ANKRD6: variants seen among roughly 807,000 people sequenced by gnomAD.
ANKRD6 encodes the protein ankyrin repeat domain-containing protein 6.
In ANKRD6, 56 loss-of-function variants were observed where a neutral mutation model predicts 82.3. That is an observed-to-expected ratio of 0.68 (90% confidence interval 0.55 to 0.85). The LOEUF is 0.85. Among genes scored for constraint, ANKRD6 ranks in the 40% least tolerant of loss-of-function variants. The pLI, the probability that ANKRD6 is intolerant of heterozygous loss-of-function variation, is 0.00. For synonymous variants in ANKRD6, 347 were observed against 352.1 expected, an observed-to-expected ratio of 0.99 and a Z score of 0.16; for missense variants, 852 against 907.6, an observed-to-expected ratio of 0.94 and a Z score of 0.79.
intron 5 of ANKRD6, among the ~76,000 whole-genome samples, chr6:89,606,817 C>T (rs1447590145): frequency 6.6e-6 from 1 of 150,884 alleles, no homozygotes; most frequent in East Asian, 2.0e-4. Flanking sequence ...GATTGCACCA[C>T]TGCACTCCAG....
At chr6:89,596,051 C>T in intron 3 of ANKRD6, 37 bp downstream of exon 3, 3 of 1,554,554 alleles carry the variant, frequency 1.9e-6, no homozygotes, top group Non-Finnish European at 2.6e-6. Context: ...GCTGAGTTGG[C>T]AGGGGAGGTT....
At position 89,630,982 on chromosome 6, in the gene ANKRD6, C is replaced by A; in HGVS notation, c.2162C>A (p.Thr721Asn). Reference sequence around the variant, plus strand: ...GAAGAGGAACTTGCCAAACTAAGGACTAGGGTGCAGAAGGAAAATTAGCAC... The same window carrying A: ...GAAGAGGAACTTGCCAAACTAAGGAATAGGGTGCAGAAGGAAAATTAGCAC... Reference protein sequence around the residue: ...SLEEELAKLRTRVQKEN With the variant: ...SLEEELAKLRNRVQKEN The change falls in exon 16 of 16, where the codon ACT (threonine) becomes AAT (asparagine). Residue 721 changes from threonine to asparagine, a missense_variant. Physicochemically the swap from Thr to Asn is moderately conservative, Grantham distance 65. Transcript: ENST00000339746. The A allele has an allele frequency of 6.4e-7, 1 of 1,559,042 alleles. No homozygotes were observed. The highest frequency in any genetic ancestry group is 2.1e-5 in the Admixed American group (1 of 48,734).
chr6:89,546,098 G>A (rs1394944525), intron 1 of ANKRD6, among the ~76,000 whole-genome samples: 1 of 152,102 alleles, frequency 6.6e-6, no homozygotes, highest in East Asian at 1.9e-4. Context: ...GAGCCACTGC[G>A]CCCGGCCTTA....
intron 1 of ANKRD6, among the ~76,000 whole-genome samples, chr6:89,477,924 G>A (rs894966102): frequency 4.6e-5 from 7 of 151,802 alleles, no homozygotes. Flanking sequence ...AGGCATTTCT[G>A]TATAATTATG....
intron 2 of ANKRD6, among the ~76,000 whole-genome samples, chr6:89,588,982 G>A (rs1030052216): frequency 3.0e-4 from 38 of 126,976 alleles, no homozygotes; most frequent in Non-Finnish European, 4.9e-4. Context: ...GAGACAGAGC[G>A]AGACTCTGTC....
At chr6:89,553,486 G>A (rs1034514688) in intron 1 of ANKRD6, among the ~76,000 whole-genome samples, 1 of 152,198 alleles carries the variant, frequency 6.6e-6, no homozygotes, top group Non-Finnish European at 1.5e-5. Context: ...AGATATTCAT[G>A]TTTATGGGAA....
chr6:89,574,786 G>T (rs1270440013), intron 2 of ANKRD6, among the ~76,000 whole-genome samples: 2 of 152,202 alleles, frequency 1.3e-5, no homozygotes, highest in Non-Finnish European at 2.9e-5. Context: ...TGGCCATGTG[G>T]TTCGAGAGTC....
intron 1 of ANKRD6, among the ~76,000 whole-genome samples, chr6:89,495,513 G>A (rs1778505405): frequency 6.6e-6 from 1 of 152,104 alleles, no homozygotes; most frequent in African/African-American, 2.4e-5. Context: ...TGTTGTGTCT[G>A]GGACTCTGAC....
intron 9 of ANKRD6, chr6:89,618,243 T>A: frequency 1.4e-6 from 1 of 694,570 alleles, no homozygotes; most frequent in Non-Finnish European, 2.6e-6. Context: ...CCGCCTCATC[T>A]TCTCCCTGTG....
chr6:89,477,148 A>G (rs1194863742), intron 1 of ANKRD6, among the ~76,000 whole-genome samples: 2 of 151,960 alleles, frequency 1.3e-5, no homozygotes, highest in Non-Finnish European at 2.9e-5. Flanking sequence ...GTTTCACCGT[A>G]TTAGCCAGGA....
chr6:89,623,587 C>A (rs1382225215), intron 11 of ANKRD6, 43 bp downstream of exon 11: 1 of 1,556,710 alleles, frequency 6.4e-7, no homozygotes, highest in Non-Finnish European at 8.7e-7. Flanking sequence ...GGCTGGGAGG[C>A]AGGGTGGCGA....
At chr6:89,506,707 C>T (rs1779907480) in intron 1 of ANKRD6, among the ~76,000 whole-genome samples, 2 of 152,232 alleles carry the variant, frequency 1.3e-5, no homozygotes, top group South Asian at 4.1e-4. Flanking sequence ...GTTTGCTTGC[C>T]AGCCAAAAGC....
At chr6:89,493,758 C>T (rs1459912922) in intron 1 of ANKRD6, among the ~76,000 whole-genome samples, 2 of 152,034 alleles carry the variant, frequency 1.3e-5, no homozygotes, top group African/African-American at 2.4e-5. Flanking sequence ...ATTTAGGGCC[C>T]ACTGTGATAA....
intron 2 of ANKRD6, among the ~76,000 whole-genome samples, chr6:89,572,096 G>A (rs544894578): frequency 1.3e-5 from 2 of 152,214 alleles, no homozygotes; most frequent in Non-Finnish European, 2.9e-5. Context: ...TCTTTTCATG[G>A]CTTGATAGTT....
At chr6:89,603,253 T>A (rs988941266) in intron 4 of ANKRD6, 126 bp downstream of exon 4, 12 of 680,992 alleles carry the variant, frequency 1.8e-5, no homozygotes. Context: ...TTACCACTTA[T>A]GATTTAACAT....
chr6:89,621,833 T>G, intron 9 of ANKRD6, 89 bp from the exon 10 acceptor site: 1 of 1,282,382 alleles, frequency 7.8e-7, no homozygotes, highest in Non-Finnish European at 1.1e-6. Flanking sequence ...GTAAATTCCA[T>G]TAGGTCAGAG....
At chr6:89,511,765 C>T (rs1328820895) in intron 1 of ANKRD6, among the ~76,000 whole-genome samples, 1 of 152,094 alleles carries the variant, frequency 6.6e-6, no homozygotes, top group Non-Finnish European at 1.5e-5. Context: ...AACAAAAGAA[C>T]TACATTTTTT....
chr6:89,529,850 A>G (rs1173320537), intron 1 of ANKRD6, among the ~76,000 whole-genome samples: 3 of 152,172 alleles, frequency 2.0e-5, no homozygotes, highest in Non-Finnish European at 4.4e-5. Flanking sequence ...CATAACATTT[A>G]CCAATTAAGT....
At chr6:89,543,353 T>A (rs1364509368) in intron 1 of ANKRD6, among the ~76,000 whole-genome samples, 2 of 152,180 alleles carry the variant, frequency 1.3e-5, no homozygotes, top group African/African-American at 4.8e-5. Flanking sequence ...TTTCTAAGTA[T>A]ATTTACCTCA....
Sources: allele counts gnomAD v4.1 joint callset (sites outside exome capture counted in the v4.1 genomes callset), GRCh38; gene constraint gnomAD v4.1.1; transcripts MANE v1.5; gene names NCBI Gene and HGNC (gene_info 2026-07-23, HGNC 2026-07-21).